CPAMD8: variants seen among roughly 807,000 people sequenced by gnomAD.
CPAMD8 encodes C3 and PZP like alpha-2-macroglobulin domain containing 8.
A neutral mutation model predicts 224.7 loss-of-function variants in CPAMD8; 146 were observed. The observed-to-expected ratio is 0.65, with a 90% CI of 0.57 to 0.75. The LOEUF (loss-of-function observed/expected upper bound fraction) is 0.75, where lower values mean the gene tolerates loss of function less well. CPAMD8 is among the 30% of genes least tolerant of loss of function. The pLI is 0.00. For missense variants in CPAMD8, 2,301 were observed against 2,537.5 expected, an observed-to-expected ratio of 0.91 and a Z score of 2.00; for synonymous variants, 966 against 1,044.6, an observed-to-expected ratio of 0.92 and a Z score of 1.45.
chr19:17,008,016 A>C (rs2056540811), intron 7 of CPAMD8, among the ~76,000 whole-genome samples: 1 of 152,100 alleles, frequency 6.6e-6, no homozygotes, highest in Non-Finnish European at 1.5e-5. Flanking sequence ...TAAAAATACA[A>C]AAATAAGCCA....
chr19:16,980,443 G>A, intron 14 of CPAMD8, 54 bp downstream of exon 14: 1 of 1,551,266 alleles, frequency 6.4e-7, no homozygotes, highest in South Asian at 1.2e-5. Flanking sequence ...ACCCATCTCA[G>A]TCTCAATTGT....
At position 16,904,570 on chromosome 19, in the gene CPAMD8, G is replaced by A. The variant is rs772090420; in HGVS notation, c.4028-18C>T. On this transcript the variant is annotated intron_variant, in intron 30 of 41. Transcript: ENST00000443236. Reference sequence around the variant, plus strand: ...GACCCCATCTGCAAGGAAAGGAGTGGTCAAGAGCTATAACCCACCCAGTGT... The same window carrying A: ...GACCCCATCTGCAAGGAAAGGAGTGATCAAGAGCTATAACCCACCCAGTGT... 2.5e-6 allele frequency: 4 copies of A among 1,571,352 alleles called. No individual in the cohort carries two copies. Among genetic ancestry groups the A allele is most frequent in the Non-Finnish European group, 3.5e-6 (4 of 1,141,112 alleles).
intron 18 of CPAMD8, among the ~76,000 whole-genome samples, chr19:16,960,094 C>T (rs1388862118): frequency 3.3e-5 from 5 of 152,078 alleles, no homozygotes; most frequent in Admixed American, 1.3e-4. Flanking sequence ...TCACACTGAA[C>T]TCTCCACCTC....
At chr19:16,917,015 A>G (rs1403385095) in intron 27 of CPAMD8, among the ~76,000 whole-genome samples, 1 of 152,188 alleles carries the variant, frequency 6.6e-6, no homozygotes, top group East Asian at 1.9e-4. Flanking sequence ...GGAATTGTGG[A>G]ATTCCCATGG....
rs1599797344 is a variant in CPAMD8 at position 16,965,204 on chromosome 19, G to A, written c.2213+5687C>T. Among the ~76,000 whole-genome samples the A allele has an allele frequency of 3.3e-5, 5 of 152,016 alleles. No homozygotes were observed. The South Asian group carries it at 1.0e-3, about 32-fold the overall frequency. On this transcript the variant is annotated intron_variant, in intron 18 of 41. Coordinates refer to ENST00000443236, the MANE Select transcript of CPAMD8 (RefSeq NM_015692.5). ...GAACCTGGGAGGCAGAGCTTGCAGT[G>A]AGCCGATATCGCACCACTGCACTCC... is the stretch of plus-strand genomic sequence containing the variant.
rs759795529 is a variant in CPAMD8 at position 17,011,503 on chromosome 19, G to T, written c.447C>A (p.Ile149=). The change falls in exon 5 of 42, where the codon ATC becomes ATA. Residue 149 remains isoleucine (I), a synonymous_variant. Transcript: ENST00000443236. ...YRPQHRVLIS[I]FTVSPNLRPV... Reference sequence around the variant, plus strand: ...GCCTCAGATTTGGAGAGACGGTGAAGATGCTTATGAGCACTAGAAGAAAGA... The same window carrying T: ...GCCTCAGATTTGGAGAGACGGTGAATATGCTTATGAGCACTAGAAGAAAGA... The T allele has an allele frequency of 1.9e-6, 3 of 1,614,108 alleles. No individual in the cohort carries two copies. The African/African-American group carries it at 4.0e-5, about 22-fold the overall frequency.
chr19:16,913,319 G>A (rs188220534), intron 29 of CPAMD8, among the ~76,000 whole-genome samples: 115 of 152,172 alleles, frequency 7.6e-4, no homozygotes, highest in Non-Finnish European at 1.3e-3. Flanking sequence ...TTAGGAGTTG[G>A]GGACCTTTGA....
chr19:17,002,154 A>G, intron 9 of CPAMD8, 112 bp downstream of exon 9: 1 of 698,562 alleles, frequency 1.4e-6, no homozygotes, highest in South Asian at 1.8e-5. Context: ...GGGCACACCC[A>G]TGTGGGAGGG....
At chr19:17,008,882 G>C (rs773873268) in intron 6 of CPAMD8, among the ~76,000 whole-genome samples, 1 of 152,078 alleles carries the variant, frequency 6.6e-6, no homozygotes, top group Non-Finnish European at 1.5e-5. Context: ...GAGGTCAGGA[G>C]TTTGAGACCA....
intron 29 of CPAMD8, among the ~76,000 whole-genome samples, 165 bp from the exon 30 acceptor site, chr19:16,907,282 C>G (rs1188620393): frequency 6.6e-6 from 1 of 150,710 alleles, no homozygotes; most frequent in African/African-American, 2.4e-5. Context: ...TTTTCAAACC[C>G]CATCTCCTTT....
chr19:16,995,320 T>C (rs1053903919), intron 11 of CPAMD8, among the ~76,000 whole-genome samples: 4 of 152,252 alleles, frequency 2.6e-5, no homozygotes, highest in Non-Finnish European at 4.4e-5. Flanking sequence ...TCCCCTTGCA[T>C]GACACTGGGC....
At chr19:16,968,601 A>G (rs1184765104) in intron 18 of CPAMD8, among the ~76,000 whole-genome samples, 1 of 152,196 alleles carries the variant, frequency 6.6e-6, no homozygotes, top group Non-Finnish European at 1.5e-5. Context: ...AGGAAAATTC[A>G]TAATCCTCTA....
In CPAMD8 at chr19:16,986,928, G is replaced by C. The variant is rs144256787; in HGVS notation, c.1395+2715C>G. Among the ~76,000 whole-genome samples, 947 of 151,784 alleles carry C rather than the reference G, an allele frequency of 6.2e-3. 9 individuals are homozygous for C. The highest frequency in any genetic ancestry group is 0.01 in the Middle Eastern group (3 of 294). ...CCCAACACTTTGGGAGGCCGAAGAG[G>C]GTGGATCACCTGAGGCCAGGAGTTC... On this transcript the variant is annotated intron_variant, in intron 13 of 41. Coordinates refer to ENST00000443236, the MANE Select transcript of CPAMD8 (RefSeq NM_015692.5).
At chr19:16,982,909 T>A (rs2055566068) in intron 13 of CPAMD8, among the ~76,000 whole-genome samples, 1 of 152,200 alleles carries the variant, frequency 6.6e-6, no homozygotes, top group Non-Finnish European at 1.5e-5. Context: ...CAGTGGGAGA[T>A]AACTGAATCA....
chr19:16,983,496 G>A (rs763543022), intron 13 of CPAMD8, among the ~76,000 whole-genome samples: 4 of 151,852 alleles, frequency 2.6e-5, no homozygotes, highest in African/African-American at 4.8e-5. Flanking sequence ...GCATGAAAAC[G>A]GACTAATATA....
intron 19 of CPAMD8, among the ~76,000 whole-genome samples, chr19:16,956,816 C>T (rs1323345198): frequency 6.6e-6 from 1 of 151,706 alleles, no homozygotes; most frequent in Non-Finnish European, 1.5e-5. Flanking sequence ...TACAGGCGCC[C>T]GCCACCATGC....
chr19:16,899,516 AC>A lies in CPAMD8; in HGVS notation c.4806del (p.Arg1602SerfsTer21). The A allele has an allele frequency of 6.3e-7, 1 of 1,579,174 alleles. No homozygotes were observed. The highest frequency in any genetic ancestry group is 8.7e-7 in the Non-Finnish European group (1 of 1,148,596). ...LLLDKHMGMK[R>X]YEVAGRRVLF... ...AGCACTCGGCGTCCAGCCACTTCAT[AC>A]CTCTTCATCCCCATGTGCTTGTCAA... On this transcript the variant is annotated frameshift_variant, in exon 37 of 42. Coordinates refer to ENST00000443236, the MANE Select transcript of CPAMD8 (RefSeq NM_015692.5). LOFTEE classifies it high-confidence loss of function. This position sits in a 1 kb window ranked among gnomAD's most constrained non-coding sequence, Gnocchi z 5.4.
At chr19:17,024,835 C>A (rs2057038189) in intron 1 of CPAMD8, among the ~76,000 whole-genome samples, 1 of 152,200 alleles carries the variant, frequency 6.6e-6, no homozygotes, top group Non-Finnish European at 1.5e-5. Flanking sequence ...ATTGCTCTTA[C>A]AACTGCAAAC....
intron 1 of CPAMD8, among the ~76,000 whole-genome samples, chr19:17,025,446 AAAC>A (rs1280426866): frequency 3.9e-5 from 6 of 152,096 alleles, no homozygotes; most frequent in African/African-American, 1.4e-4. Context: ...CAAAAACAAC[AAAC>A]AACAAACAAA....
Sources: gnomAD v4.1 joint callset for allele counts (sites outside exome capture counted in the v4.1 genomes callset) on GRCh38, gnomAD v4.1.1 for gene constraint, Gnocchi (gnomAD v3.1) non-coding constraint, MANE v1.5 for transcripts, NCBI Gene and HGNC (gene_info 2026-07-23, HGNC 2026-07-21) for gene names.